Variants in SV2C observed in about 807,000 individuals in gnomAD.
The protein encoded by SV2C is synaptic vesicle glycoprotein 2C.
SV2C carries 49 observed loss-of-function variants against 79.7 expected under a neutral mutation model. The observed-to-expected ratio is 0.61, with a 90% CI of 0.49 to 0.78. The LOEUF (loss-of-function observed/expected upper bound fraction) is 0.78. Ranked by LOEUF, SV2C falls within the 30% of genes least tolerant of loss-of-function variation. SV2C has a pLI of 0.00. For missense variants in SV2C, 833 were observed against 912.9 expected, an observed-to-expected ratio of 0.91 and a Z score of 1.13; for synonymous variants, 334 against 333.2, an observed-to-expected ratio of 1.00 and a Z score of -0.03.
At chr5:76,081,806 A>C (rs543879742), upstream of SV2C, 1 of 152,300 alleles carries the variant, frequency 6.6e-6, no homozygotes, top group Non-Finnish European at 1.5e-5. Flanking sequence ...AGTATCCTGC[A>C]TAGTGGCACA....
At chr5:76,311,881 G>C (rs1363268648) in intron 12 of SV2C, among the ~76,000 whole-genome samples, 2 of 152,144 alleles carry the variant, frequency 1.3e-5, no homozygotes, top group African/African-American at 2.4e-5. Flanking sequence ...AACACCAACA[G>C]AAGATGCATT....
intron 12 of SV2C, among the ~76,000 whole-genome samples, chr5:76,302,054 T>C (rs1748025889): frequency 6.6e-6 from 1 of 152,070 alleles, no homozygotes; most frequent in Non-Finnish European, 1.5e-5. Context: ...AAGGAATTAA[T>C]AGGGCAATGA....
the SV2C span, among the ~76,000 whole-genome samples, chr5:75,864,355 T>TCCA: frequency 1.3e-5 from 2 of 151,522 alleles, no homozygotes; most frequent in Admixed American, 6.6e-5. Flanking sequence ...CATCCATCCA[T>TCCA]TCATTTAATT....
intron 2 of SV2C, among the ~76,000 whole-genome samples, chr5:76,164,528 G>C (rs1459807590): frequency 6.6e-6 from 1 of 152,252 alleles, no homozygotes; most frequent in Non-Finnish European, 1.5e-5. Context: ...TATGCCCACA[G>C]TTTGAGTTCT....
intron 4 of SV2C, among the ~76,000 whole-genome samples, chr5:76,223,444 C>CATACATATATAT (rs1561271136): frequency 4.4e-5 from 2 of 45,788 alleles, no homozygotes; most frequent in Non-Finnish European, 7.8e-5. Flanking sequence ...TACATACATA[C>CATACATATATAT]ATATATATAT....
chr5:76,236,389 C>A (rs1180775101), intron 4 of SV2C, among the ~76,000 whole-genome samples: 5 of 151,880 alleles, frequency 3.3e-5, no homozygotes, highest in Admixed American at 6.6e-5. Flanking sequence ...ATGGTGAAAC[C>A]CCGTCTCTAC....
At chr5:76,307,668 A>G (rs1236431147) in intron 12 of SV2C, among the ~76,000 whole-genome samples, 2 of 152,152 alleles carry the variant, frequency 1.3e-5, no homozygotes, top group Admixed American at 6.5e-5. Context: ...ATCTTTTGTT[A>G]TAGTTCCGCA....
chr5:75,955,987 G>T, the SV2C span, among the ~76,000 whole-genome samples: 31 of 149,888 alleles, frequency 2.1e-4, no homozygotes, highest in African/African-American at 7.6e-4. Flanking sequence ...AGTCAGTGTG[G>T]CGATTCCTCA....
intron 12 of SV2C, among the ~76,000 whole-genome samples, chr5:76,349,310 G>A (rs1203648442): frequency 1.3e-5 from 2 of 152,098 alleles, no homozygotes; most frequent in South Asian, 2.1e-4. Flanking sequence ...TTAGGAGTTC[G>A]AGACCAGGCT....
intron 7 of SV2C, 30 bp from the exon 8 acceptor site, chr5:76,291,738 T>G: frequency 3.2e-6 from 5 of 1,539,802 alleles, no homozygotes; most frequent in Non-Finnish European, 4.5e-6. Flanking sequence ...AGTAACTGCA[T>G]GAGAAAACTA....
chr5:76,132,431 T>C, intron 2 of SV2C, 101 bp downstream of exon 2: 1 of 1,206,634 alleles, frequency 8.3e-7, no homozygotes, highest in Non-Finnish European at 1.1e-6. Context: ...GAGTACTGCA[T>C]TTTTTCTAAC....
the SV2C span, among the ~76,000 whole-genome samples, chr5:75,984,986 A>G: frequency 5.3e-5 from 8 of 152,110 alleles, no homozygotes; most frequent in African/African-American, 1.7e-4. Context: ...TTGTGTTGCT[A>G]TAACAGAATA....
chr5:76,155,696 C>A (rs555043216), intron 2 of SV2C, among the ~76,000 whole-genome samples: 2 of 152,028 alleles, frequency 1.3e-5, no homozygotes, highest in Non-Finnish European at 2.9e-5. Flanking sequence ...TGGTTTCTCA[C>A]AGGAAGAAGC....
At chr5:76,319,877 A>G (rs1748769218) in intron 12 of SV2C, among the ~76,000 whole-genome samples, 1 of 152,220 alleles carries the variant, frequency 6.6e-6, no homozygotes. Context: ...AGACTTCTTC[A>G]TGACAGAAAA....
chr5:76,260,818 C>T (rs1252475616), intron 4 of SV2C, among the ~76,000 whole-genome samples: 1 of 151,036 alleles, frequency 6.6e-6, no homozygotes, highest in East Asian at 1.9e-4. Context: ...GTTTTGGTAC[C>T]AGTACCATGC....
rs151280913 is a variant in SV2C, at chr5:76,319,405, G to A, written c.2001-5959G>A. 6.4e-4 allele frequency among the ~76,000 whole-genome samples: 98 copies of A among 152,028 alleles called. No homozygotes were observed. In the East Asian group the frequency reaches 0.014, roughly 22 times the overall value. ...TGCACTCCAGCCTGGGCCACAGAGC[G>A]AGACTCCATCTCAAAAAAAAAGAAA... On this transcript the variant is annotated intron_variant, in intron 12 of 12. Coordinates refer to ENST00000502798, the MANE Select transcript of SV2C (RefSeq NM_014979.4).
At chr5:75,961,910 C>T in the SV2C span, among the ~76,000 whole-genome samples, 5 of 152,036 alleles carry the variant, frequency 3.3e-5, no homozygotes, top group African/African-American at 1.2e-4. Context: ...CTCAGCACTA[C>T]TGGGATGCAA....
the SV2C span, chr5:75,910,409 AG>A: frequency 2.2e-5 from 13 of 591,306 alleles, no homozygotes; most frequent in East Asian, 3.9e-4. Context: ...GATTTCCTGC[AG>A]GGTTTCTGAT....
chr5:76,228,773 C>A (rs7446255), intron 4 of SV2C, among the ~76,000 whole-genome samples: 24,337 of 151,796 alleles, frequency 0.16, 2,568 homozygotes, highest in African/African-American at 0.3. Flanking sequence ...TTTTACAACT[C>A]TTCTATGAAG....
Sources: gnomAD v4.1 joint callset for allele counts (sites outside exome capture counted in the v4.1 genomes callset) on GRCh38, gnomAD v4.1.1 for gene constraint, MANE v1.5 for transcripts, NCBI Gene and HGNC (gene_info 2026-07-23, HGNC 2026-07-21) for gene names.